The following ZBTB38 variants were observed in gnomAD, a reference collection of about 807,000 sequenced individuals.
ZBTB38 encodes the protein zinc finger and BTB domain containing 38.
ZBTB38 carries 20 observed loss-of-function variants against 76.8 expected under a neutral mutation model. The observed-to-expected ratio is 0.26, with a 90% CI of 0.18 to 0.38. ZBTB38 has a LOEUF of 0.38. Ranked by LOEUF, ZBTB38 falls within the 10% of genes least tolerant of loss-of-function variation. The pLI, the probability that ZBTB38 is intolerant of heterozygous loss-of-function variation, is 1.00. For missense variants in ZBTB38, 1,082 were observed against 1,482.3 expected (o/e 0.73, Z 4.43); for synonymous variants, 504 against 544.2 (o/e 0.93, Z 1.03).
chr3:141,438,966 ATTTT>A (rs56348132), intron 5 of ZBTB38, among the ~76,000 whole-genome samples: 2 of 140,064 alleles, frequency 1.4e-5, no homozygotes, highest in Non-Finnish European at 1.5e-5. Flanking sequence ...ATCATTTTTA[ATTTT>A]TTTTTTTTTT....
intron 5 of ZBTB38, among the ~76,000 whole-genome samples, chr3:141,416,580 GT>G (rs2074098594): frequency 6.6e-6 from 1 of 152,206 alleles, no homozygotes; most frequent in Admixed American, 6.5e-5. Flanking sequence ...CTGCCATGGT[GT>G]CAGTAATGGG....
Position 141,442,187 on chromosome 3 carries a change from C to T in ZBTB38, c.1-202C>T, listed in dbSNP as rs2080430723. On this transcript the variant is annotated intron_variant, in intron 5 of 5. Coordinates refer to ENST00000321464, the MANE Select transcript of ZBTB38 (RefSeq NM_001376113.1). This position sits in a 1 kb window ranked among gnomAD's most constrained non-coding sequence, Gnocchi z 6.4. The stretch of plus-strand genomic sequence containing the variant: ...GATTTCCAATGATAACAACTATTAG[C>T]AATGGTATGAGAAACAGGCTGGGGC... 1.3e-5 allele frequency among the ~76,000 whole-genome samples: 2 copies of T among 151,960 alleles called. No homozygotes were observed. The highest frequency in any genetic ancestry group is 4.8e-5 in the African/African-American group (2 of 41,340).
chr3:141,338,018 AC>A (rs1943065347), intron 1 of ZBTB38, among the ~76,000 whole-genome samples: 1 of 152,244 alleles, frequency 6.6e-6, no homozygotes, highest in Non-Finnish European at 1.5e-5. Flanking sequence ...AAGGTAGTAA[AC>A]AAAGCCAACA....
intron 5 of ZBTB38, among the ~76,000 whole-genome samples, chr3:141,441,047 AAAAG>A (rs1329782992): frequency 2.0e-5 from 3 of 151,578 alleles, no homozygotes; most frequent in Non-Finnish European, 2.9e-5. Flanking sequence ...AAAAAAAAAA[AAAAG>A]AAAAGAAAAA....
upstream of ZBTB38, among the ~76,000 whole-genome samples, chr3:141,364,676 T>TAAAAAA (rs59398877): frequency 8.5e-4 from 37 of 43,436 alleles, no homozygotes; most frequent in Non-Finnish European, 1.2e-3. Context: ...AAACTACATC[T>TAAAAAA]AAAAAAAAAA....
intron 1 of ZBTB38, among the ~76,000 whole-genome samples, chr3:141,369,018 A>G (rs2148985772): frequency 6.7e-6 from 1 of 149,578 alleles, no homozygotes; most frequent in African/African-American, 2.5e-5. Flanking sequence ...AAAAAACAAT[A>G]CTAAGACGGA....
intron 4 of ZBTB38, chr3:141,402,288 C>G (rs1008079569): frequency 2.6e-5 from 4 of 151,990 alleles, no homozygotes; most frequent in Admixed American, 2.6e-4. Context: ...CCCGGACGGG[C>G]TGCGTCCTCT....
intron 5 of ZBTB38, among the ~76,000 whole-genome samples, chr3:141,418,537 T>C (rs539824267): frequency 2.6e-5 from 4 of 152,246 alleles, no homozygotes; most frequent in South Asian, 2.1e-4. Context: ...CTCTCCTCCA[T>C]TGGAGAGTGG....
At chr3:141,426,193 G>C in intron 5 of ZBTB38, 4 of 1,289,366 alleles carry the variant, frequency 3.1e-6, no homozygotes, top group Non-Finnish European at 4.0e-6. Flanking sequence ...AGTGTAGTCA[G>C]AAGTCACAGG....
At chr3:141,434,103 A>T (rs1007991724) in intron 5 of ZBTB38, 12 of 642,244 alleles carry the variant, frequency 1.9e-5, no homozygotes, top group African/African-American at 2.0e-5. Context: ...GTACTCAAGG[A>T]GCTCATAGGG....
chr3:141,398,911 G>A (rs182642962), intron 4 of ZBTB38, among the ~76,000 whole-genome samples: 4 of 152,228 alleles, frequency 2.6e-5, no homozygotes, highest in Middle Eastern at 3.4e-3. Context: ...AGTCCATACA[G>A]TGCAATTGAC....
At chr3:141,431,341 A>AATATAT (rs1553771301) in intron 5 of ZBTB38, among the ~76,000 whole-genome samples, 9 of 103,270 alleles carry the variant, frequency 8.7e-5, no homozygotes, top group East Asian at 6.0e-4. Context: ...AAAAAAAAAA[A>AATATAT]ATATATATAT....
At chr3:141,434,902 G>GT (rs1194915221) in intron 5 of ZBTB38, among the ~76,000 whole-genome samples, 1 of 152,110 alleles carries the variant, frequency 6.6e-6, no homozygotes, top group Non-Finnish European at 1.5e-5. Flanking sequence ...GGAGGCCAAG[G>GT]TGGGAGGGTC....
At chr3:141,436,042 T>C (rs764839930) in intron 5 of ZBTB38, among the ~76,000 whole-genome samples, 1 of 152,222 alleles carries the variant, frequency 6.6e-6, no homozygotes, top group Non-Finnish European at 1.5e-5. Flanking sequence ...TCTTTCTAAC[T>C]TATATTTCTT....
intron 1 of ZBTB38, among the ~76,000 whole-genome samples, chr3:141,339,295 G>A (rs1463033816): frequency 6.6e-6 from 1 of 152,208 alleles, no homozygotes; most frequent in Admixed American, 6.5e-5. Flanking sequence ...GGCCTAACAT[G>A]CCACTCCACC....
intron 5 of ZBTB38, among the ~76,000 whole-genome samples, chr3:141,426,690 T>C (rs2076465606): frequency 6.6e-6 from 1 of 152,146 alleles, no homozygotes. Flanking sequence ...CTTTACAACT[T>C]TTTTAGTATT....
chr3:141,375,054 G>A (rs56694596), intron 2 of ZBTB38, among the ~76,000 whole-genome samples: 10,334 of 152,190 alleles, frequency 0.068, 1,194 homozygotes, highest in African/African-American at 0.24. Context: ...GCTGCATTCA[G>A]TTCAACAAAT....
chr3:141,431,408 C>T (rs1383297838), intron 5 of ZBTB38, among the ~76,000 whole-genome samples: 1 of 148,502 alleles, frequency 6.7e-6, no homozygotes, highest in African/African-American at 2.5e-5. Context: ...GAAATAGAGA[C>T]ACGGCACTCA....
intron 3 of ZBTB38, among the ~76,000 whole-genome samples, chr3:141,385,640 C>T (rs1337980973): frequency 7.7e-6 from 1 of 129,776 alleles, no homozygotes; most frequent in Non-Finnish European, 1.6e-5. Context: ...CATTGCAATT[C>T]GAGCTTTGAG....
Sources: allele counts gnomAD v4.1 joint callset (sites outside exome capture counted in the v4.1 genomes callset), GRCh38; gene constraint gnomAD v4.1.1; non-coding constraint Gnocchi (gnomAD v3.1); transcripts MANE v1.5; gene names NCBI Gene and HGNC (gene_info 2026-07-23, HGNC 2026-07-21).